Variants in MYO1E observed in about 807,000 individuals in gnomAD.
MYO1E encodes myosin IE, also known as unconventional myosin-Ie.
Under a neutral mutation model 151.1 loss-of-function variants are expected in MYO1E, and 68 were observed. The observed-to-expected ratio is 0.45, with a 90% CI of 0.37 to 0.55. The LOEUF (loss-of-function observed/expected upper bound fraction) is 0.55, where lower values mean the gene tolerates loss of function less well. Ranked by LOEUF, MYO1E falls within the 20% of genes least tolerant of loss-of-function variation. The pLI is 0.00. For synonymous variants in MYO1E, 601 were observed against 501.7 expected, an observed-to-expected ratio of 1.20 and a Z score of -2.64; for missense variants, 1,363 against 1,389.3, an observed-to-expected ratio of 0.98 and a Z score of 0.30.
Position 59,133,984 on chromosome 15 carries a change from C to T in MYO1E, c.*3396G>A, listed in dbSNP as rs573770387. 1 of 152,214 alleles carries T rather than the reference C, an allele frequency of 6.6e-6. No individual in the cohort carries two copies. The highest frequency in any genetic ancestry group is 2.4e-5 in the African/African-American group (1 of 41,452). The allele number at this position is 152,214 out of a possible 1,614,324, so 9.4% of individuals were successfully genotyped here. On this transcript the variant is annotated 3_prime_UTR_variant, in exon 28 of 28. Coordinates refer to ENST00000288235, the MANE Select transcript of MYO1E (RefSeq NM_004998.4). ...ATTCATAAAGGCACATCCATATTTT[C>T]TCTTACTCATTTTTGTGAACACTTC...
At chr15:59,268,718 GTATT>G (rs2080271172) in intron 2 of MYO1E, among the ~76,000 whole-genome samples, 2 of 12,042 alleles carry the variant, frequency 1.7e-4, no homozygotes, top group African/African-American at 2.7e-4. Flanking sequence ...GGTGACTTTG[GTATT>G]TTTTTTTTTT....
chr15:59,214,361 T>G (rs779775092), intron 11 of MYO1E, 47 bp from the exon 12 acceptor site: 3 of 1,388,944 alleles, frequency 2.2e-6, no homozygotes, highest in Middle Eastern at 4.8e-4. Flanking sequence ...CAAAATCATT[T>G]AAAAGTCATT....
At chr15:59,312,965 C>T (rs1414476923) in intron 1 of MYO1E, among the ~76,000 whole-genome samples, 2 of 152,104 alleles carry the variant, frequency 1.3e-5, no homozygotes, top group African/African-American at 2.4e-5. Context: ...CGCTTGAACC[C>T]GGGAGGCGGA....
intron 1 of MYO1E, among the ~76,000 whole-genome samples, chr15:59,334,203 C>T (rs1308960955): frequency 6.6e-6 from 1 of 152,108 alleles, no homozygotes; most frequent in Non-Finnish European, 1.5e-5. Flanking sequence ...GTCACCTGAG[C>T]CCAGGAGGTC....
At chr15:59,320,458 T>C (rs1409570983) in intron 1 of MYO1E, among the ~76,000 whole-genome samples, 1 of 152,168 alleles carries the variant, frequency 6.6e-6, no homozygotes, top group East Asian at 1.9e-4. Flanking sequence ...AGCATGGTAC[T>C]AGTACAAAAA....
intron 10 of MYO1E, among the ~76,000 whole-genome samples, chr15:59,216,608 A>ATCTG (rs2079916468): frequency 8.1e-6 from 1 of 123,016 alleles, no homozygotes; most frequent in African/African-American, 3.0e-5. Flanking sequence ...CTATCTATCT[A>ATCTG]TCTATCTATC....
At chr15:59,268,252 C>T (rs1189648421) in intron 2 of MYO1E, among the ~76,000 whole-genome samples, 1 of 152,326 alleles carries the variant, frequency 6.6e-6, no homozygotes, top group East Asian at 1.9e-4. Context: ...AAACATCCAT[C>T]AAGCTCCCTC....
intron 1 of MYO1E, among the ~76,000 whole-genome samples, chr15:59,353,433 G>T (rs187388007): frequency 1.3e-5 from 2 of 149,564 alleles, no homozygotes; most frequent in African/African-American, 4.9e-5. Flanking sequence ...ACACGAACCA[G>T]AATAGTCTTA....
rs180786310 is a variant in MYO1E, at chr15:59,319,524, C to T, written c.4-47075G>A. On this transcript the variant is annotated intron_variant, in intron 1 of 27. Coordinates refer to ENST00000288235, the MANE Select transcript of MYO1E (RefSeq NM_004998.4). ...GGCAAGAGAAAGAAAGAAAAGGCAC[C>T]AAGATAGGAAAAGAAGTCAAACTAC... Among the ~76,000 whole-genome samples, 274 of 131,216 alleles carry T rather than the reference C, an allele frequency of 2.1e-3. 1 individual carries two copies. The highest frequency in any genetic ancestry group is 4.5e-3 in the Admixed American group (54 of 12,010). The allele number at this position is 131,216 out of a possible 152,430, so 86.1% of individuals were successfully genotyped here. A position where few individuals can be genotyped will look rare whatever the true frequency, so the allele number is the denominator to read the frequency against.
chr15:59,146,805 A>C (rs1455566540), intron 26 of MYO1E, among the ~76,000 whole-genome samples: 1 of 151,660 alleles, frequency 6.6e-6, no homozygotes, highest in African/African-American at 2.4e-5. Context: ...CCAGTGTTTC[A>C]TTATATGTAA....
At chr15:59,207,392 A>G (rs2079844628) in intron 14 of MYO1E, 1 of 1,613,944 alleles carries the variant, frequency 6.2e-7, no homozygotes, top group East Asian at 2.2e-5. Flanking sequence ...CGCCAAGAAA[A>G]GGGAGAAACG....
At position 59,138,332 on chromosome 15, in the gene MYO1E, G is replaced by C. The variant is rs780373196; in HGVS notation, c.3116C>G (p.Ala1039Gly). 1.9e-6 allele frequency: 3 copies of C among 1,614,106 alleles called. No homozygotes were observed. Among genetic ancestry groups the C allele is most frequent in the Non-Finnish European group, 2.5e-6 (3 of 1,180,044 alleles). Residue 1039 changes from alanine (A) to glycine (G), a missense_variant, in exon 27 of 28, where the codon GCA (alanine) becomes GGA (glycine). By Grantham distance (60) the Ala-to-Gly change is moderately conservative (BLOSUM62 0). Transcript: ENST00000288235. Reference sequence around the variant, plus strand: ...GGGCTGGGGCTTGGGTCTGCCCCCTGCTGGGGGAGGCCGACTGGTTGTTTG... The same window carrying C: ...GGGCTGGGGCTTGGGTCTGCCCCCTCCTGGGGGAGGCCGACTGGTTGTTTG... ...RRQTTSRPPP[A>G]GGRPKPQPKP...
At chr15:59,148,417 T>C (rs1247454493) in intron 26 of MYO1E, among the ~76,000 whole-genome samples, 1 of 152,186 alleles carries the variant, frequency 6.6e-6, no homozygotes, top group Non-Finnish European at 1.5e-5. Flanking sequence ...GGATTAAGCT[T>C]TCGAATATCA....
intron 4 of MYO1E, among the ~76,000 whole-genome samples, chr15:59,243,694 A>G (rs2080113353): frequency 3.3e-5 from 5 of 151,994 alleles, no homozygotes; most frequent in Admixed American, 3.3e-4. Context: ...ACTTTTAGCT[A>G]CTCCTGAGTC....
At chr15:59,203,126 C>T (rs149421701) in intron 15 of MYO1E, among the ~76,000 whole-genome samples, 1 of 152,336 alleles carries the variant, frequency 6.6e-6, no homozygotes, top group African/African-American at 2.4e-5. Context: ...GCAGATGCTG[C>T]TTTGCTCTAG....
intron 1 of MYO1E, among the ~76,000 whole-genome samples, chr15:59,278,727 T>TGG (rs372848446): frequency 1.3e-5 from 2 of 152,262 alleles, no homozygotes; most frequent in African/African-American, 4.8e-5. Context: ...AAACAGTGCA[T>TGG]GGGGGACAGG....
chr15:59,151,055 GCGCGCGCACGTGCA>G (rs1881533789), intron 26 of MYO1E, among the ~76,000 whole-genome samples: 1 of 143,644 alleles, frequency 7.0e-6, no homozygotes, highest in South Asian at 2.1e-4. Context: ...ACACACGCGC[GCGCGCGCACGTGCA>G]CTTAGAGAGA....
At chr15:59,195,588 C>T (rs771419461) in intron 16 of MYO1E, 21 bp from the exon 17 acceptor site, 1 of 1,593,186 alleles carries the variant, frequency 6.3e-7, no homozygotes, top group South Asian at 1.1e-5. Context: ...AGAACAGTAT[C>T]AGAATCATGG....
chr15:59,147,376 G>A (rs2079447289), intron 26 of MYO1E, among the ~76,000 whole-genome samples: 1 of 152,056 alleles, frequency 6.6e-6, no homozygotes. Context: ...GAGGTGGGCG[G>A]ATCACTTGAG....
Sources: gnomAD v4.1 joint callset for allele counts (sites outside exome capture counted in the v4.1 genomes callset) on GRCh38, gnomAD v4.1.1 for gene constraint, MANE v1.5 for transcripts, NCBI Gene and HGNC (gene_info 2026-07-23, HGNC 2026-07-21) for gene names.